The following CADM2 variants were observed in gnomAD, a reference collection of about 807,000 sequenced individuals.
The protein encoded by CADM2 is immunoglobulin superfamily member 4D.
CADM2 carries 12 observed loss-of-function variants against 49.8 expected under a neutral mutation model. The ratio of observed to expected loss-of-function variants is 0.24; its 90% CI spans 0.15 to 0.39. CADM2 has a LOEUF of 0.39. Ranked by LOEUF, CADM2 falls within the 10% of genes least tolerant of loss-of-function variation. CADM2 has a pLI of 1.00. For missense variants in CADM2, 378 were observed against 492.3 expected, an observed-to-expected ratio of 0.77 and a Z score of 2.20; for synonymous variants, 214 against 175.4, an observed-to-expected ratio of 1.22 and a Z score of -1.74.
intron 2 of CADM2, among the ~76,000 whole-genome samples, chr3:85,727,635 G>A (rs1309427984): frequency 6.6e-6 from 1 of 152,092 alleles, no homozygotes; most frequent in East Asian, 1.9e-4. Context: ...AGCACAATAT[G>A]TTTATATAAT....
intron 1 of CADM2, among the ~76,000 whole-genome samples, chr3:85,083,827 A>G (rs1286488041): frequency 1.3e-5 from 2 of 152,158 alleles, no homozygotes; most frequent in Non-Finnish European, 2.9e-5. Flanking sequence ...CCACAGATTT[A>G]TATTATAAAG....
chr3:85,838,339 G>A (rs2108255401), intron 3 of CADM2, among the ~76,000 whole-genome samples: 1 of 151,898 alleles, frequency 6.6e-6, no homozygotes, highest in South Asian at 2.1e-4. Flanking sequence ...CAAACATCAT[G>A]ACCAATTTCA....
intron 5 of CADM2, among the ~76,000 whole-genome samples, chr3:85,888,653 G>A (rs1396844855): frequency 1.3e-5 from 2 of 152,080 alleles, no homozygotes; most frequent in African/African-American, 4.8e-5. Flanking sequence ...TCTTTAGCAT[G>A]TTTACATCGT....
chr3:85,852,444 TTAAA>T (rs1559701006), intron 3 of CADM2, among the ~76,000 whole-genome samples: 1 of 152,128 alleles, frequency 6.6e-6, no homozygotes, highest in Admixed American at 6.5e-5. Flanking sequence ...CTAGTGGACA[TTAAA>T]TAAATACTCA....
At chr3:85,660,702 GTT>G (rs2065374712) in intron 1 of CADM2, among the ~76,000 whole-genome samples, 1 of 151,870 alleles carries the variant, frequency 6.6e-6, no homozygotes, top group South Asian at 2.1e-4. Flanking sequence ...GGAAAAATAG[GTT>G]TTTAGAAATC....
At chr3:85,473,651 G>C (rs2038860097) in intron 1 of CADM2, among the ~76,000 whole-genome samples, 2 of 152,024 alleles carry the variant, frequency 1.3e-5, no homozygotes. Flanking sequence ...TCTTGAGCCT[G>C]TCTAACAAAT....
chr3:85,438,175 T>A (rs2037020748), intron 1 of CADM2, among the ~76,000 whole-genome samples: 1 of 152,106 alleles, frequency 6.6e-6, no homozygotes. Flanking sequence ...TCACTAAAAA[T>A]CTATCCAAAA....
intron 5 of CADM2, among the ~76,000 whole-genome samples, chr3:85,905,917 C>T (rs1032447820): frequency 2.0e-5 from 3 of 152,080 alleles, no homozygotes; most frequent in African/African-American, 7.2e-5. Context: ...GCAAGTGATT[C>T]ATTTATTCAT....
At chr3:85,427,260 C>T (rs1005468474) in intron 1 of CADM2, among the ~76,000 whole-genome samples, 10 of 148,098 alleles carry the variant, frequency 6.8e-5, no homozygotes, top group Non-Finnish European at 1.0e-4. Flanking sequence ...TATGAGAAAA[C>T]ACATCTGACT....
At chr3:85,297,468 G>A (rs2043994558) in intron 1 of CADM2, among the ~76,000 whole-genome samples, 1 of 152,004 alleles carries the variant, frequency 6.6e-6, no homozygotes, top group Admixed American at 6.6e-5. Context: ...TTTGTTATTG[G>A]CAGCTCTTTC....
chr3:85,831,970 T>C (rs2074206975), intron 3 of CADM2, among the ~76,000 whole-genome samples: 1 of 151,992 alleles, frequency 6.6e-6, no homozygotes. Context: ...TACATTCAAA[T>C]CTTCAGTCCA....
chr3:85,625,752 C>T (rs977720618), intron 1 of CADM2, among the ~76,000 whole-genome samples: 2 of 151,876 alleles, frequency 1.3e-5, no homozygotes, highest in Non-Finnish European at 2.9e-5. Context: ...GGTATAGAGG[C>T]TGTATATAAT....
chr3:86,028,233 A>AG (rs1734143360), intron 8 of CADM2, among the ~76,000 whole-genome samples: 1 of 152,008 alleles, frequency 6.6e-6, no homozygotes, highest in South Asian at 2.1e-4. Context: ...CAAAAAAAAA[A>AG]AAAAGAAAAT....
intron 1 of CADM2, among the ~76,000 whole-genome samples, chr3:85,479,255 C>T (rs2039110346): frequency 6.6e-6 from 1 of 151,828 alleles, no homozygotes; most frequent in East Asian, 1.9e-4. Context: ...ATATAATACT[C>T]ATGGAGTATG....
At chr3:85,354,396 T>A (rs1328508264) in intron 1 of CADM2, among the ~76,000 whole-genome samples, 1 of 150,276 alleles carries the variant, frequency 6.7e-6, no homozygotes, top group Non-Finnish European at 1.5e-5. Context: ...GAGATACACC[T>A]AATGCTAAAT....
At chr3:86,011,234 AAATG>A (rs1292134973) in intron 8 of CADM2, among the ~76,000 whole-genome samples, 1 of 152,126 alleles carries the variant, frequency 6.6e-6, no homozygotes, top group African/African-American at 2.4e-5. Flanking sequence ...CAAAAATCCT[AAATG>A]AAATACTAGC....
rs567215817 is a variant in CADM2 at position 85,396,081 on chromosome 3, G to A, written c.62-330441G>A. Among the ~76,000 whole-genome samples, 3 of 150,846 alleles carry A rather than the reference G, an allele frequency of 2.0e-5. No individual in the cohort carries two copies. In the South Asian group the frequency reaches 6.2e-4, roughly 31 times the overall value. Reference sequence around the variant, plus strand: ...AAATAAATATGCAATTATATTTTCAGTATTGATTCTGAAGAAAGTCTAATG... The same window carrying A: ...AAATAAATATGCAATTATATTTTCAATATTGATTCTGAAGAAAGTCTAATG... On this transcript the variant is annotated intron_variant, in intron 1 of 9. Coordinates refer to ENST00000383699, the MANE Select transcript of CADM2 (RefSeq NM_001167675.2).
At chr3:84,991,199 T>A (rs1202027935) in intron 1 of CADM2, among the ~76,000 whole-genome samples, 3 of 151,840 alleles carry the variant, frequency 2.0e-5, no homozygotes, top group Non-Finnish European at 4.4e-5. Context: ...CCTTTAGGAG[T>A]TTTTGTATTT....
chr3:85,465,938 T>C (rs1433262811), intron 1 of CADM2, among the ~76,000 whole-genome samples: 1 of 152,212 alleles, frequency 6.6e-6, no homozygotes, highest in Non-Finnish European at 1.5e-5. Context: ...ATTGCTATCA[T>C]ATGAAGTGCT....
Sources: gnomAD v4.1 joint callset for allele counts (sites outside exome capture counted in the v4.1 genomes callset) on GRCh38, gnomAD v4.1.1 for gene constraint, MANE v1.5 for transcripts, NCBI Gene and HGNC (gene_info 2026-07-23, HGNC 2026-07-21) for gene names.